The following ST8SIA4 variants were observed in gnomAD, a reference collection of about 807,000 sequenced individuals.
The protein encoded by ST8SIA4 is CMP-N-acetylneuraminate-poly-alpha-2,8-sialyltransferase.
ST8SIA4 carries 15 observed loss-of-function variants against 33.9 expected under a neutral mutation model. The observed-to-expected ratio is 0.44, with a 90% CI of 0.30 to 0.68. The LOEUF is 0.68. Ranked by LOEUF, ST8SIA4 falls within the 30% of genes least tolerant of loss-of-function variation. The probability of loss-of-function intolerance (pLI) is 0.10; values close to 1 mark genes in which losing one functional copy is unlikely to be tolerated. For missense variants in ST8SIA4, 321 were observed against 428.0 expected (o/e 0.75, Z 2.21); for synonymous variants, 171 against 151.2 (o/e 1.13, Z -0.96).
chr5:100,875,220 G>A (rs1357628056), intron 3 of ST8SIA4, among the ~76,000 whole-genome samples: 1 of 152,084 alleles, frequency 6.6e-6, no homozygotes, highest in Non-Finnish European at 1.5e-5. Flanking sequence ...CCCTTATGAT[G>A]GTGACTGAAT....
chr5:100,876,809 GTC>G (rs2112462713), intron 3 of ST8SIA4, among the ~76,000 whole-genome samples: 1 of 152,006 alleles, frequency 6.6e-6, no homozygotes, highest in South Asian at 2.1e-4. Flanking sequence ...TTGATATTGA[GTC>G]ACTCGGTAGG....
At chr5:100,891,808 G>A (rs974710066) in intron 2 of ST8SIA4, among the ~76,000 whole-genome samples, 7 of 152,110 alleles carry the variant, frequency 4.6e-5, no homozygotes, top group African/African-American at 1.7e-4. Flanking sequence ...GGAGGTCTGG[G>A]TTTGAATCTT....
intron 4 of ST8SIA4, among the ~76,000 whole-genome samples, chr5:100,814,065 T>C (rs1750864062): frequency 6.6e-6 from 1 of 152,058 alleles, no homozygotes; most frequent in African/African-American, 2.4e-5. Context: ...GAGGTTCATG[T>C]AACTATGGTT....
intron 1 of ST8SIA4, among the ~76,000 whole-genome samples, chr5:100,900,633 G>A (rs73162285): frequency 0.01 from 1,581 of 152,236 alleles, 24 homozygotes; most frequent in African/African-American, 0.034. Context: ...AGGCAGTCAG[G>A]ACGCTACAGG....
chr5:100,881,341 C>G (rs552369867), intron 3 of ST8SIA4, among the ~76,000 whole-genome samples: 3 of 152,232 alleles, frequency 2.0e-5, no homozygotes, highest in Admixed American at 2.0e-4. Flanking sequence ...TATATAATAA[C>G]TCTCATTTTA....
At chr5:100,854,400 G>A (rs868489007) in intron 4 of ST8SIA4, among the ~76,000 whole-genome samples, 12 of 151,974 alleles carry the variant, frequency 7.9e-5, no homozygotes, top group Admixed American at 1.3e-4. Context: ...TGGCTAAGAC[G>A]GTGAAACCCC....
chr5:100,879,042 T>C (rs540777668), intron 3 of ST8SIA4, among the ~76,000 whole-genome samples: 1 of 152,352 alleles, frequency 6.6e-6, no homozygotes, highest in Admixed American at 6.5e-5. Context: ...TTCTAACTTC[T>C]ATTTTTGGAA....
intron 4 of ST8SIA4, among the ~76,000 whole-genome samples, chr5:100,830,534 A>C (rs1751235346): frequency 6.6e-6 from 1 of 152,236 alleles, no homozygotes; most frequent in African/African-American, 2.4e-5. Context: ...CATATGCAGC[A>C]GATATCCGTA....
At chr5:100,878,719 A>T (rs149928887) in intron 3 of ST8SIA4, among the ~76,000 whole-genome samples, 60 of 152,330 alleles carry the variant, frequency 3.9e-4, no homozygotes, top group African/African-American at 1.3e-3. Context: ...GTACAATTTC[A>T]TAATAAAATG....
At chr5:100,864,409 C>A (rs1422841911) in intron 3 of ST8SIA4, among the ~76,000 whole-genome samples, 1 of 151,704 alleles carries the variant, frequency 6.6e-6, no homozygotes, top group Non-Finnish European at 1.5e-5. Context: ...CCCGCCTCTA[C>A]TAAAAACACA....
In ST8SIA4 at chr5:100,810,413, C is replaced by T. The variant is rs1338805766; in HGVS notation, c.*1434G>A. 6.6e-6 allele frequency: 1 copy of T among 152,044 alleles called. No homozygotes were observed. The highest frequency in any genetic ancestry group is 2.4e-5 in the African/African-American group (1 of 41,494). 9.4% of individuals were successfully genotyped at this position (152,044 alleles called of 1,614,324 possible). On this transcript the variant is annotated 3_prime_UTR_variant, in exon 5 of 5. Coordinates refer to ENST00000231461, the MANE Select transcript of ST8SIA4 (RefSeq NM_005668.6). The stretch of plus-strand genomic sequence containing the variant: ...GTTATTTCTGCACTAAGAAATTTAA[C>T]AGTAATATATAAAGCATTTCCATAT...
chr5:100,872,707 C>G (rs1016050160), intron 3 of ST8SIA4, among the ~76,000 whole-genome samples: 3 of 151,956 alleles, frequency 2.0e-5, no homozygotes, highest in Non-Finnish European at 4.4e-5. Flanking sequence ...TGAGGCCTAC[C>G]CAGCCATATG....
rs958621172 is a variant in ST8SIA4, at chr5:100,903,163, T to C, written c.-208A>G. On this transcript the variant is annotated 5_prime_UTR_variant, in exon 1 of 5. Coordinates refer to ENST00000231461, the MANE Select transcript of ST8SIA4 (RefSeq NM_005668.6). ...GCTGCCCAGCGACCTCTCGCCCTGT[T>C]TGCGCCAGCTCTGCCAGGGTCGCTC... The C allele has an allele frequency of 5.2e-6, 3 of 573,018 alleles. No homozygotes were observed. Among genetic ancestry groups the C allele is most frequent in the Non-Finnish European group, 9.3e-6 (3 of 323,048 alleles). 35.5% of individuals were successfully genotyped at this position (573,018 alleles called of 1,614,324 possible). A position where few individuals can be genotyped will look rare whatever the true frequency, so the allele number is the denominator to read the frequency against.
At chr5:100,882,693 C>T (rs1438065730) in intron 3 of ST8SIA4, among the ~76,000 whole-genome samples, 1 of 152,204 alleles carries the variant, frequency 6.6e-6, no homozygotes, top group East Asian at 1.9e-4. Flanking sequence ...TGTGTGCAGC[C>T]TAGGGACTTG....
At chr5:100,877,495 T>G (rs1340811763) in intron 3 of ST8SIA4, among the ~76,000 whole-genome samples, 2 of 152,140 alleles carry the variant, frequency 1.3e-5, no homozygotes, top group African/African-American at 4.8e-5. Flanking sequence ...GAACAAGAGT[T>G]GTAAGGAAGA....
intron 1 of ST8SIA4, 35 bp downstream of exon 1, chr5:100,902,806 CTT>C (rs750008179): frequency 1.3e-6 from 2 of 1,541,868 alleles, no homozygotes; most frequent in Non-Finnish European, 1.8e-6. Flanking sequence ...TATGGCTTGA[CTT>C]TTTGTCATAT....
intron 4 of ST8SIA4, among the ~76,000 whole-genome samples, chr5:100,824,583 T>C (rs1264954305): frequency 6.6e-6 from 1 of 152,040 alleles, no homozygotes; most frequent in East Asian, 1.9e-4. Flanking sequence ...CTAACAATTG[T>C]GTATCAAAGC....
chr5:100,840,064 C>T (rs1422726656), intron 4 of ST8SIA4, among the ~76,000 whole-genome samples: 1 of 151,444 alleles, frequency 6.6e-6, no homozygotes, highest in Non-Finnish European at 1.5e-5. Flanking sequence ...TTAAACTGTT[C>T]CTGATCCCAA....
At chr5:100,879,414 A>G (rs1211234072) in intron 3 of ST8SIA4, among the ~76,000 whole-genome samples, 1 of 152,104 alleles carries the variant, frequency 6.6e-6, no homozygotes, top group Non-Finnish European at 1.5e-5. Flanking sequence ...AGCCCAATAT[A>G]TTTGCTTTTA....
Sources: allele counts gnomAD v4.1 joint callset (sites outside exome capture counted in the v4.1 genomes callset), GRCh38; gene constraint gnomAD v4.1.1; transcripts MANE v1.5; gene names NCBI Gene and HGNC (gene_info 2026-07-23, HGNC 2026-07-21).